DOP1B: variants seen among roughly 807,000 people sequenced by gnomAD.
DOP1B encodes the protein protein DOP1B.
A neutral mutation model predicts 233.5 loss-of-function variants in DOP1B; 174 were observed. The ratio of observed to expected loss-of-function variants is 0.75; its 90% CI spans 0.66 to 0.85. The LOEUF (loss-of-function observed/expected upper bound fraction) is 0.85. Among genes scored for constraint, DOP1B ranks in the 40% least tolerant of loss-of-function variants. The pLI, the probability that DOP1B is intolerant of heterozygous loss-of-function variation, is 0.00. For missense variants in DOP1B, 2,652 were observed against 2,846.6 expected, an observed-to-expected ratio of 0.93 and a Z score of 1.56; for synonymous variants, 1,190 against 1,185.6, an observed-to-expected ratio of 1.00 and a Z score of -0.08.
chr21:36,214,730 AC>A (rs2123502836), intron 9 of DOP1B, among the ~76,000 whole-genome samples, 174 bp downstream of exon 9: 2 of 152,326 alleles, frequency 1.3e-5, no homozygotes, highest in East Asian at 3.9e-4. Flanking sequence ...GTGGTCACTT[AC>A]AAGTTTTGCA....
At chr21:36,284,334 A>ACG (rs2067457454) in intron 32 of DOP1B, among the ~76,000 whole-genome samples, 2 of 133,354 alleles carry the variant, frequency 1.5e-5, no homozygotes, top group African/African-American at 2.9e-5. Flanking sequence ...GCAGTGGTGC[A>ACG]ATCTCTGCTC....
At chr21:36,209,048 A>G in intron 5 of DOP1B, 144 bp downstream of exon 5, 2 of 944,892 alleles carry the variant, frequency 2.1e-6, no homozygotes, top group Middle Eastern at 3.5e-4. Context: ...CGAACGGCTG[A>G]GCAAGGCGAG....
intron 32 of DOP1B, among the ~76,000 whole-genome samples, chr21:36,287,299 T>G (rs554582257): frequency 3.3e-5 from 5 of 152,262 alleles, no homozygotes; most frequent in Non-Finnish European, 5.9e-5. Context: ...AAATATGGTG[T>G]TGTCTGCCAG....
At position 36,225,558 on chromosome 21, in the gene DOP1B, T is replaced by C; in HGVS notation, c.1371-7T>C. 1 of 1,613,956 alleles carries C rather than the reference T, an allele frequency of 6.2e-7. No homozygotes were observed. The highest frequency in any genetic ancestry group is 1.3e-5 in the African/African-American group (1 of 75,002). On this transcript the variant is annotated splice_polypyrimidine_tract_variant and splice_region_variant and intron_variant, in intron 11 of 36. Transcript: ENST00000691173. ...AGAATGGATTTTTTCTTTGCTGTGA[T>C]TTATAGACCAGTGAAGCAGCGTTAC... is the stretch of plus-strand genomic sequence containing the variant.
In DOP1B at chr21:36,259,648, G is replaced by A. The variant is rs1462275038; in HGVS notation, c.5260-1029G>A. On this transcript the variant is annotated intron_variant, in intron 23 of 36. Coordinates refer to ENST00000691173, the MANE Select transcript of DOP1B (RefSeq NM_001320714.2). ...GGCGGTCTGTGCTGCTGCAGGCTTG[G>A]TCGCCGTAGAACCAAGGGGTTCTTC... Among the ~76,000 whole-genome samples, 8 of 152,268 alleles carry A rather than the reference G, an allele frequency of 5.3e-5. No individual in the cohort carries two copies. The East Asian group carries it at 5.8e-4, about 11-fold the overall frequency.
chr21:36,241,503 CTTTTTTTT>C (rs1165636640), intron 18 of DOP1B, among the ~76,000 whole-genome samples: 1 of 76,472 alleles, frequency 1.3e-5, no homozygotes, highest in African/African-American at 5.6e-5. Flanking sequence ...TTATCTTAAT[CTTTTTTTT>C]TTTTTTTTTT....
intron 4 of DOP1B, among the ~76,000 whole-genome samples, chr21:36,202,237 G>A (rs1290982259): frequency 6.6e-6 from 1 of 152,126 alleles, no homozygotes; most frequent in Non-Finnish European, 1.5e-5. Context: ...TATACACAGT[G>A]ACCTTTGTTT....
chr21:36,173,415 A>G (rs2065990918), intron 2 of DOP1B, among the ~76,000 whole-genome samples: 4 of 138,048 alleles, frequency 2.9e-5, no homozygotes, highest in Non-Finnish European at 6.1e-5. Context: ...GTGTTAGAGA[A>G]TAGTTTATCT....
intron 26 of DOP1B, among the ~76,000 whole-genome samples, chr21:36,269,810 T>G (rs1282759391): frequency 6.6e-6 from 1 of 152,222 alleles, no homozygotes; most frequent in Non-Finnish European, 1.5e-5. Flanking sequence ...ATTACAGGCA[T>G]GAGCCACTGC....
chr21:36,241,122 A>G (rs190468396), intron 18 of DOP1B, among the ~76,000 whole-genome samples: 259 of 151,938 alleles, frequency 1.7e-3, no homozygotes, highest in African/African-American at 5.9e-3. Context: ...GTGAAACCCC[A>G]TCTCTACTAA....
At chr21:36,194,862 C>G (rs2066271322) in intron 2 of DOP1B, among the ~76,000 whole-genome samples, 1 of 152,254 alleles carries the variant, frequency 6.6e-6, no homozygotes, top group Non-Finnish European at 1.5e-5. Flanking sequence ...CTTTAGTGCA[C>G]CTTTTCTTCA....
chr21:36,231,266 G>C, intron 14 of DOP1B, 132 bp downstream of exon 14: 1 of 1,215,188 alleles, frequency 8.2e-7, no homozygotes, highest in South Asian at 1.7e-5. Context: ...TCAGATTTTT[G>C]GAATATTTGC....
chr21:36,273,362 G>A (rs1015065788), intron 27 of DOP1B, among the ~76,000 whole-genome samples: 3 of 151,938 alleles, frequency 2.0e-5, no homozygotes, highest in Admixed American at 6.6e-5. Flanking sequence ...CGCCGAGATC[G>A]TGCCACTGCA....
chr21:36,286,747 A>AG (rs1341404353), intron 32 of DOP1B, among the ~76,000 whole-genome samples: 2 of 151,976 alleles, frequency 1.3e-5, no homozygotes, highest in Non-Finnish European at 2.9e-5. Context: ...GGATCATCTG[A>AG]GGTCAGGAGT....
intron 1 of DOP1B, among the ~76,000 whole-genome samples, chr21:36,163,415 G>A (rs1328800668): frequency 2.0e-5 from 3 of 151,610 alleles, no homozygotes; most frequent in African/African-American, 7.3e-5. Flanking sequence ...TGGAGTGATC[G>A]GAAATTGAAG....
intron 2 of DOP1B, chr21:36,170,013 G>A: frequency 1.3e-6 from 1 of 747,158 alleles, no homozygotes; most frequent in East Asian, 2.6e-5. Flanking sequence ...CTTCCCGTGT[G>A]ATGTGGGTCA....
rs1331296488 is a variant in DOP1B, at chr21:36,246,970, C to T, written c.4697+293C>T. ...CCTCAGCTCACTGCAACCTCTGCCT[C>T]CCAGGTTCAAACAATTCTCCTGTCT... On this transcript the variant is annotated intron_variant, in intron 19 of 36. Coordinates refer to ENST00000691173, the MANE Select transcript of DOP1B (RefSeq NM_001320714.2). This position sits in a 1 kb window ranked among gnomAD's most constrained non-coding sequence, Gnocchi z 5.1. Among the ~76,000 whole-genome samples the T allele has an allele frequency of 1.3e-5, 2 of 152,182 alleles. No homozygotes were observed. The highest frequency in any genetic ancestry group is 4.8e-5 in the African/African-American group (2 of 41,442).
intron 32 of DOP1B, among the ~76,000 whole-genome samples, chr21:36,287,364 C>T (rs1009135321): frequency 6.6e-6 from 1 of 152,046 alleles, no homozygotes; most frequent in African/African-American, 2.4e-5. Context: ...TTGGTTTCTG[C>T]GTCTCCTCAT....
intron 2 of DOP1B, among the ~76,000 whole-genome samples, chr21:36,192,883 G>A (rs953574217): frequency 1.3e-5 from 2 of 151,550 alleles, no homozygotes; most frequent in African/African-American, 4.9e-5. Flanking sequence ...TGGAGATGGG[G>A]TTTCACTGTG....
Sources: gnomAD v4.1 joint callset for allele counts (sites outside exome capture counted in the v4.1 genomes callset) on GRCh38, gnomAD v4.1.1 for gene constraint, Gnocchi (gnomAD v3.1) non-coding constraint, MANE v1.5 for transcripts, NCBI Gene and HGNC (gene_info 2026-07-23, HGNC 2026-07-21) for gene names.